SLC25A24: variants seen among roughly 807,000 people sequenced by gnomAD.
SLC25A24 encodes the protein solute carrier family 25 member 24.
A neutral mutation model predicts 60.7 loss-of-function variants in SLC25A24; 49 were observed. That is an observed-to-expected ratio of 0.81 (90% confidence interval 0.64 to 1.02). The LOEUF (loss-of-function observed/expected upper bound fraction) is 1.02. SLC25A24 is among the 50% of genes least tolerant of loss of function. The pLI, the probability that SLC25A24 is intolerant of heterozygous loss-of-function variation, is 0.00. For synonymous variants in SLC25A24, 202 were observed against 200.6 expected (o/e 1.01, Z -0.06); for missense variants, 564 against 586.3 (o/e 0.96, Z 0.39).
At chr1:108,187,975 T>TA (rs1648204980) in intron 1 of SLC25A24, among the ~76,000 whole-genome samples, 2 of 135,784 alleles carry the variant, frequency 1.5e-5, no homozygotes, top group Admixed American at 1.5e-4. Flanking sequence ...CAGTCAATGA[T>TA]AGACCATATA....
chr1:108,185,729 A>G, intron 2 of SLC25A24, 99 bp downstream of exon 2: 1 of 849,630 alleles, frequency 1.2e-6, no homozygotes, highest in Non-Finnish European at 1.8e-6. Flanking sequence ...AATAATTATC[A>G]TCTAAAACCA....
chr1:108,160,511 G>A (rs562433352), intron 4 of SLC25A24, among the ~76,000 whole-genome samples: 20 of 151,982 alleles, frequency 1.3e-4, no homozygotes, highest in African/African-American at 4.6e-4. Context: ...GACGATGGGC[G>A]GCCAGGCAGA....
chr1:108,155,268 G>T, intron 5 of SLC25A24, 133 bp from the exon 6 acceptor site: 2 of 813,946 alleles, frequency 2.5e-6, no homozygotes, highest in Non-Finnish European at 3.7e-6. Context: ...ATATAGAAAG[G>T]TTGAAAAATA....
At chr1:108,179,109 TG>T (rs1173932146) in intron 3 of SLC25A24, among the ~76,000 whole-genome samples, 1 of 126,046 alleles carries the variant, frequency 7.9e-6, no homozygotes, top group Non-Finnish European at 1.7e-5. Context: ...GACATACAAA[TG>T]GCCAAAAAGT....
Position 108,143,668 on chromosome 1 carries a change from A to C in SLC25A24, c.973T>G (p.Ser325Ala). The change falls in exon 8 of 10, where the codon TCT (serine) becomes GCT (alanine). Residue 325 changes from serine (S) to alanine (A), a missense_variant. Coordinates refer to ENST00000565488, the MANE Select transcript of SLC25A24 (RefSeq NM_013386.5). ...RLAVGKTGQY[S>A]GIYDCAKKIL... is the part of the protein sequence containing the mutation. ...TTCTTGGCACAATCATATATTCCAG[A>C]GTACTGCCCAGTTTTGCCTACAGCC... 1.9e-6 allele frequency: 3 copies of C among 1,613,440 alleles called. No individual in the cohort carries two copies. The highest frequency in any genetic ancestry group is 2.5e-6 in the Non-Finnish European group (3 of 1,179,760).
chr1:108,154,211 CA>C (rs1328294869), intron 6 of SLC25A24, among the ~76,000 whole-genome samples: 1 of 111,758 alleles, frequency 8.9e-6, no homozygotes, highest in African/African-American at 4.0e-5. Context: ...TGGAATAATA[CA>C]AAAACTATGG....
intron 1 of SLC25A24, among the ~76,000 whole-genome samples, chr1:108,186,562 G>C (rs902191659): frequency 6.6e-6 from 1 of 151,980 alleles, no homozygotes; most frequent in Non-Finnish European, 1.5e-5. Flanking sequence ...CTCTAAAAAA[G>C]AAAGAAAGAA....
chr1:108,162,447 C>G (rs1016624012), intron 3 of SLC25A24, among the ~76,000 whole-genome samples: 3 of 149,832 alleles, frequency 2.0e-5, no homozygotes, highest in Non-Finnish European at 4.5e-5. Context: ...ACATCCTCTC[C>G]AGCACCTGTT....
intron 4 of SLC25A24, among the ~76,000 whole-genome samples, chr1:108,157,953 T>C (rs142732434): frequency 4.6e-5 from 7 of 151,410 alleles, no homozygotes; most frequent in Admixed American, 2.0e-4. Context: ...TCAATCTTTT[T>C]TATTGCAACC....
intron 9 of SLC25A24, among the ~76,000 whole-genome samples, chr1:108,137,718 C>T (rs74973166): frequency 0.041 from 6,168 of 152,256 alleles, 332 homozygotes; most frequent in East Asian, 0.27. Flanking sequence ...TAGAATCAGA[C>T]TGCATGTGTC....
chr1:108,194,875 T>G (rs1352388071), intron 1 of SLC25A24, among the ~76,000 whole-genome samples: 1 of 152,204 alleles, frequency 6.6e-6, no homozygotes, highest in Non-Finnish European at 1.5e-5. Context: ...CCTCCAGGCA[T>G]TAAATAACAT....
At chr1:108,149,963 C>A (rs966991393) in intron 6 of SLC25A24, among the ~76,000 whole-genome samples, 2 of 152,188 alleles carry the variant, frequency 1.3e-5, no homozygotes, top group Non-Finnish European at 2.9e-5. Flanking sequence ...TTCCCAAATA[C>A]CAGACATTCC....
chr1:108,170,484 T>C (rs776911704), intron 3 of SLC25A24, among the ~76,000 whole-genome samples: 2 of 152,132 alleles, frequency 1.3e-5, no homozygotes, highest in African/African-American at 2.4e-5. Flanking sequence ...ATCAAGCTTA[T>C]GTATTTAGAA....
chr1:108,187,927 G>GATATATATAGATATATAT (rs1553256784), intron 1 of SLC25A24, among the ~76,000 whole-genome samples: 3 of 95,748 alleles, frequency 3.1e-5, no homozygotes, highest in Non-Finnish European at 4.2e-5. Context: ...AGACATTATA[G>GATATATATAGATATATAT]ATATATATAT....
intron 6 of SLC25A24, among the ~76,000 whole-genome samples, chr1:108,150,292 G>C (rs974815654): frequency 3.3e-5 from 5 of 152,142 alleles, no homozygotes; most frequent in African/African-American, 9.7e-5. Flanking sequence ...CTTCAGGACA[G>C]AGCCAAAAAG....
intron 8 of SLC25A24, among the ~76,000 whole-genome samples, chr1:108,141,228 T>C (rs1388616125): frequency 1.3e-5 from 2 of 152,148 alleles, no homozygotes; most frequent in African/African-American, 4.8e-5. Flanking sequence ...TGGGTCACTT[T>C]ACCAGGAAGA....
rs560890849 is a variant in SLC25A24 at position 108,136,805 on chromosome 1, C to G, written c.1282G>C (p.Val428Leu). 4 of 1,613,988 alleles carry G rather than the reference C, an allele frequency of 2.5e-6. No homozygotes were observed. The highest frequency in any genetic ancestry group is 3.3e-5 in the Admixed American group (2 of 60,016). The part of the protein sequence containing the change: ...MLEGSPQLNM[V>L]GLFRRIISKE... ...GAAATAATTCGTCGAAAGAGGCCAA[C>G]CATATTCAGCTGTGGGGAACCTTCT... The change falls in exon 10 of 10, where the codon GTT (valine) becomes CTT (leucine). Residue 428 changes from valine to leucine, a missense_variant. By Grantham distance (32) the Val-to-Leu change is conservative (BLOSUM62 1). Transcript: ENST00000565488.
chr1:108,150,662 C>A (rs1679731605), intron 6 of SLC25A24, among the ~76,000 whole-genome samples: 1 of 152,148 alleles, frequency 6.6e-6, no homozygotes, highest in South Asian at 2.1e-4. Context: ...TAGCTACTCA[C>A]ATATTTTTTC....
intron 3 of SLC25A24, among the ~76,000 whole-genome samples, chr1:108,180,224 G>C (rs1046382113): frequency 2.0e-4 from 30 of 152,012 alleles, no homozygotes; most frequent in African/African-American, 6.8e-4. Context: ...AAATAGCCAG[G>C]CGTGGTGGCG....
Sources: gnomAD v4.1 joint callset for allele counts (sites outside exome capture counted in the v4.1 genomes callset) on GRCh38, gnomAD v4.1.1 for gene constraint, MANE v1.5 for transcripts, NCBI Gene and HGNC (gene_info 2026-07-23, HGNC 2026-07-21) for gene names.